The following ANKRD18A variants were observed in gnomAD, a reference collection of about 807,000 sequenced individuals.
The protein encoded by ANKRD18A is ankyrin repeat domain-containing protein 18A.
A neutral mutation model predicts 110.6 loss-of-function variants in ANKRD18A; 72 were observed. That is an observed-to-expected ratio of 0.65 (90% CI 0.54 to 0.79). The LOEUF (loss-of-function observed/expected upper bound fraction) is 0.79. ANKRD18A is among the 30% of genes least tolerant of loss of function. ANKRD18A has a pLI of 0.00. For synonymous variants in ANKRD18A, 305 were observed against 410.3 expected (o/e 0.74, Z 3.10); for missense variants, 934 against 1,163.3 (o/e 0.80, Z 2.87).
At chr9:38,569,505 C>A (rs2890810), downstream of ANKRD18A, 5 of 956,604 alleles carry the variant, frequency 5.2e-6, no homozygotes, top group Non-Finnish European at 6.2e-6. Context: ...AACTGCTCCA[C>A]AACACAGAGG....
intron 1 of ANKRD18A, 134 bp from the exon 2 acceptor site, chr9:38,616,178 C>T (rs1825849652): frequency 3.1e-6 from 2 of 648,104 alleles, no homozygotes; most frequent in Non-Finnish European, 5.1e-6. Context: ...GAAGAAAGTA[C>T]AATATTTATT....
chr9:38,616,492 G>T (rs904212748), intron 1 of ANKRD18A, among the ~76,000 whole-genome samples: 1 of 152,220 alleles, frequency 6.6e-6, no homozygotes, highest in African/African-American at 2.4e-5. Context: ...TTGCTCTGTT[G>T]CCCAGGCTGG....
rs1487207348 is a variant in ANKRD18A, at chr9:38,581,365, G to A, written c.2248-3217C>T. ...TGAACTCTGATAATAAGGCAAGGGT[G>A]TCTCCTTACCATTTCCCCTCAAGTT... On this transcript the variant is annotated intron_variant, in intron 12 of 15. Transcript: ENST00000399703. Among the ~76,000 whole-genome samples, 3 of 152,146 alleles carry A rather than the reference G, an allele frequency of 2.0e-5. No homozygotes were observed. In the East Asian group the frequency reaches 5.8e-4, roughly 29 times the overall value.
rs767962145 is a variant in ANKRD18A, at chr9:38,610,386, C to T, written c.627G>A (p.Gln209=). The change falls in exon 5 of 16, where the codon CAG becomes CAA. Residue 209 remains glutamine, a synonymous_variant. Coordinates refer to ENST00000399703, the MANE Select transcript of ANKRD18A (RefSeq NM_147195.4). The part of the protein sequence containing the change: ...FKRTALILAV[Q]HNLSSIVTLL... ...GGGTGACGATACTTGACAAGTTATG[C>T]TGTACTGCAAGTATGAGGGCTGTTC... is the stretch of plus-strand genomic sequence containing the variant. The T allele has an allele frequency of 3.2e-4, 502 of 1,549,116 alleles. No homozygotes were observed. The highest frequency in any genetic ancestry group is 4.2e-4 in the Non-Finnish European group (481 of 1,146,228).
chr9:38,603,045 C>G, intron 7 of ANKRD18A, 114 bp downstream of exon 7: 1 of 1,394,838 alleles, frequency 7.2e-7, no homozygotes, highest in Non-Finnish European at 9.6e-7. Flanking sequence ...TTGTAATAGA[C>G]TGATGTACTC....
intron 12 of ANKRD18A, among the ~76,000 whole-genome samples, chr9:38,584,308 C>T (rs1824282515): frequency 6.6e-6 from 1 of 152,170 alleles, no homozygotes; most frequent in African/African-American, 2.4e-5. Flanking sequence ...GTGAAATAAG[C>T]CAGTCCCAGT....
At chr9:38,566,407 C>T (rs1823485344), downstream of ANKRD18A, 1 of 152,192 alleles carries the variant, frequency 6.6e-6, no homozygotes, top group Admixed American at 6.5e-5. Flanking sequence ...TTCCAGAAAG[C>T]TTCTTATTTC....
chr9:38,594,342 C>T (rs963688075), intron 9 of ANKRD18A, among the ~76,000 whole-genome samples: 1 of 152,168 alleles, frequency 6.6e-6, no homozygotes, highest in Non-Finnish European at 1.5e-5. Flanking sequence ...TCTGTGAACT[C>T]TGCCACCCCT....
At chr9:38,599,007 C>G (rs537778248) in intron 8 of ANKRD18A, among the ~76,000 whole-genome samples, 1 of 152,316 alleles carries the variant, frequency 6.6e-6, no homozygotes, top group East Asian at 1.9e-4. Flanking sequence ...ATTTGCATAT[C>G]AAACTCTTGG....
intron 12 of ANKRD18A, among the ~76,000 whole-genome samples, chr9:38,583,163 A>C: frequency 6.6e-6 from 1 of 152,230 alleles, no homozygotes; most frequent in Non-Finnish European, 1.5e-5. Context: ...AAAAAAGAGA[A>C]AATAAGTGTT....
In ANKRD18A at chr9:38,595,865, T is replaced by C. The variant is rs1310655496; in HGVS notation, c.1475A>G (p.Glu492Gly). 3 of 1,551,344 alleles carry C rather than the reference T, an allele frequency of 1.9e-6. No homozygotes were observed. The highest frequency in any genetic ancestry group is 1.4e-5 in the African/African-American group (1 of 73,130). The change falls in exon 9 of 16, where the codon GAG becomes GGG. Residue 492 changes from glutamate (E) to glycine (G), a missense_variant. This residue lies in a region of ANKRD18A where 630 missense variants were observed against 797.5 expected (regional missense o/e 0.79). Transcript: ENST00000399703. Reference sequence around the variant, plus strand: ...CTTTTCCCTGAGAGCATCTCTTGTCTCACGGAGCTTACCTTTTAAGGTATT... The same window carrying C: ...CTTTTCCCTGAGAGCATCTCTTGTCCCACGGAGCTTACCTTTTAAGGTATT... Reference protein sequence around the residue: ...KFNTLKGKLRETRDALREKTL... With the variant: ...KFNTLKGKLRGTRDALREKTL...
At chr9:38,589,688 TCACC>T (rs1824553042) in intron 10 of ANKRD18A, among the ~76,000 whole-genome samples, 1 of 152,194 alleles carries the variant, frequency 6.6e-6, no homozygotes, top group Non-Finnish European at 1.5e-5. Context: ...CAACACCACC[TCACC>T]CAGCTAATTG....
intron 15 of ANKRD18A, among the ~76,000 whole-genome samples, chr9:38,575,001 G>A (rs1587481623): frequency 6.6e-6 from 1 of 151,880 alleles, no homozygotes; most frequent in African/African-American, 2.4e-5. Context: ...GGCTGAGGCA[G>A]GAGAATCACT....
At chr9:38,611,630 A>G (rs1270767734) in intron 3 of ANKRD18A, among the ~76,000 whole-genome samples, 7 of 152,180 alleles carry the variant, frequency 4.6e-5, no homozygotes, top group Admixed American at 3.9e-4. Context: ...CACTGAAACC[A>G]AGAGATTCTC....
chr9:38,601,037 T>C (rs1247786074), intron 8 of ANKRD18A, 94 bp downstream of exon 8: 2 of 1,108,942 alleles, frequency 1.8e-6, no homozygotes, highest in Non-Finnish European at 2.6e-6. Flanking sequence ...AAAAGGATAG[T>C]CTAAAAGGTC....
At chr9:38,586,070 G>A in intron 12 of ANKRD18A, 113 bp downstream of exon 12, 1 of 1,148,272 alleles carries the variant, frequency 8.7e-7, no homozygotes, top group Non-Finnish European at 1.2e-6. Context: ...CCTAGGTGAT[G>A]CATTGATACG....
chr9:38,569,524 A>G (rs77190300), downstream of ANKRD18A: 35,354 of 890,828 alleles, frequency 0.04, 908 homozygotes, highest in East Asian at 0.18. Flanking sequence ...GGCGATGGGG[A>G]CTCAGCAAGA....
Position 38,618,005 on chromosome 9 carries a change from T to C in ANKRD18A, c.207-1961A>G, listed in dbSNP as rs539306068. Among the ~76,000 whole-genome samples, 4 of 152,204 alleles carry C rather than the reference T, an allele frequency of 2.6e-5. No homozygotes were observed. In the South Asian group the frequency reaches 6.2e-4, roughly 24 times the overall value. ...TGCCTATATGTAATGAATCTATACA[T>C]AAGAAAAACATATATACATAATAAA... On this transcript the variant is annotated intron_variant, in intron 1 of 15. Transcript: ENST00000399703.
chr9:38,619,875 A>T (rs1036496036), intron 1 of ANKRD18A, among the ~76,000 whole-genome samples: 3 of 152,164 alleles, frequency 2.0e-5, no homozygotes, highest in African/African-American at 7.2e-5. Context: ...GGATATGCCT[A>T]ACTTTGTGAG....
Sources: allele counts gnomAD v4.1 joint callset (sites outside exome capture counted in the v4.1 genomes callset), GRCh38; gene constraint gnomAD v4.1.1; regional missense constraint gnomAD v4.1.1; transcripts MANE v1.5; gene names NCBI Gene and HGNC (gene_info 2026-07-23, HGNC 2026-07-21).